GALC: variants seen among roughly 807,000 people sequenced by gnomAD.
GALC encodes galactosylceramidase, also known as galactocerebrosidase.
In GALC, 77 loss-of-function variants were observed where a neutral mutation model predicts 91.8. The ratio of observed to expected loss-of-function variants is 0.84; its 90% CI spans 0.70 to 1.01. The LOEUF is 1.01. Ranked by LOEUF, GALC falls within the 50% of genes least tolerant of loss-of-function variation. GALC has a pLI of 0.00. For missense variants in GALC, 882 were observed against 855.9 expected (o/e 1.03, Z -0.38); for synonymous variants, 357 against 306.7 (o/e 1.16, Z -1.71).
In GALC at chr14:87,945,561, G is replaced by C; in HGVS notation, c.1662C>G (p.Asp554Glu). 6.3e-7 allele frequency: 1 copy of C among 1,596,216 alleles called. No homozygotes were observed. Among genetic ancestry groups the C allele is most frequent in the Non-Finnish European group, 8.6e-7 (1 of 1,164,008 alleles). Reference protein sequence around the residue: ...DASNTISIIGDYNWTNLTIKC... With the variant: ...DASNTISIIGEYNWTNLTIKC... Reference sequence around the variant, plus strand: ...GAGAACATCAATCTTACCAGTTGTAGTCTCCTATAATACTGATTGTGTTGG... The same window carrying C: ...GAGAACATCAATCTTACCAGTTGTACTCTCCTATAATACTGATTGTGTTGG... Residue 554 changes from aspartate (D) to glutamate (E), a missense_variant, in exon 14 of 17, where the codon GAC becomes GAG. Transcript: ENST00000261304.
At chr14:87,938,709 G>C (rs1014856741) in intron 16 of GALC, among the ~76,000 whole-genome samples, 1 of 151,760 alleles carries the variant, frequency 6.6e-6, no homozygotes, top group Non-Finnish European at 1.5e-5. Flanking sequence ...TAGCTTGGGG[G>C]AAAAATGTTC....
intron 12 of GALC, among the ~76,000 whole-genome samples, chr14:87,948,993 G>C (rs1475253098): frequency 6.6e-6 from 1 of 151,992 alleles, no homozygotes; most frequent in Admixed American, 6.6e-5. Context: ...AAGCACCTGG[G>C]ATATAAAGCT....
chr14:87,954,845 GT>G, intron 10 of GALC: 2 of 1,606,394 alleles, frequency 1.2e-6, no homozygotes, highest in South Asian at 1.1e-5. Flanking sequence ...TACAAACAAT[GT>G]TTTAGCTGCT....
intron 16 of GALC, among the ~76,000 whole-genome samples, chr14:87,937,710 T>A (rs80173976): frequency 6.6e-6 from 1 of 151,834 alleles, no homozygotes; most frequent in African/African-American, 2.4e-5. Context: ...TCACATCCTA[T>A]TGATATTTTA....
chr14:87,950,059 A>T (rs1232590053), intron 11 of GALC, 128 bp from the exon 12 acceptor site: 2 of 540,710 alleles, frequency 3.7e-6, no homozygotes, highest in East Asian at 6.3e-5. Flanking sequence ...GAAACACCTC[A>T]AATATTAAAT....
chr14:87,972,968 T>A (rs1350083747), intron 7 of GALC, among the ~76,000 whole-genome samples: 1 of 152,154 alleles, frequency 6.6e-6, no homozygotes, highest in African/African-American at 2.4e-5. Flanking sequence ...TGGTAAAGTG[T>A]ATACAACAAC....
chr14:87,934,339 T>C lies in GALC; in HGVS notation c.*393A>G. ...GACACTGGCTCACTTGGACACACGG[T>C]CAGCATGCATAAATACATCTCAGTG... On this transcript the variant is annotated 3_prime_UTR_variant, in exon 17 of 17. Transcript: ENST00000261304. 7.9e-7 allele frequency: 1 copy of C among 1,271,070 alleles called. No individual in the cohort carries two copies. The highest frequency in any genetic ancestry group is 1.0e-6 in the Non-Finnish European group (1 of 1,000,312). 78.7% of individuals were successfully genotyped at this position (1,271,070 alleles called of 1,614,324 possible).
chr14:87,971,593 A>C (rs750305610), intron 7 of GALC, among the ~76,000 whole-genome samples: 1 of 152,230 alleles, frequency 6.6e-6, no homozygotes, highest in African/African-American at 2.4e-5. Context: ...TGGAGAACAT[A>C]ATTTTAATGA....
At chr14:87,946,844 G>A (rs568389853) in intron 13 of GALC, among the ~76,000 whole-genome samples, 2 of 151,976 alleles carry the variant, frequency 1.3e-5, no homozygotes, top group South Asian at 4.2e-4. Context: ...ATAGTTGAGA[G>A]GACTCCATTA....
intron 9 of GALC, among the ~76,000 whole-genome samples, chr14:87,964,772 T>C (rs552393499): frequency 2.0e-5 from 3 of 152,168 alleles, no homozygotes; most frequent in Non-Finnish European, 2.9e-5. Flanking sequence ...TTTGCCTCCA[T>C]TGACAATTCA....
Position 87,968,351 on chromosome 14 carries a change from T to C in GALC, c.892A>G (p.Asn298Asp), listed in dbSNP as rs752480983. ...ATAACTTACGAAGTCATATAGCCAT[T>C]GATATAATTCTGATTTAAAATGCGA... ...WGRILNQNYINGYMTSTIAWN... is the reference protein window; with the variant it reads ...WGRILNQNYIDGYMTSTIAWN... Residue 298 changes from asparagine to aspartate, a missense_variant, in exon 8 of 17, where the codon AAT becomes GAT. Physicochemically the swap from Asn to Asp is conservative, Grantham distance 23 (BLOSUM62 1). Coordinates refer to ENST00000261304, the MANE Select transcript of GALC (RefSeq NM_000153.4). 6.2e-7 allele frequency: 1 copy of C among 1,612,856 alleles called. No individual in the cohort carries two copies. The highest frequency in any genetic ancestry group is 1.3e-5 in the African/African-American group (1 of 74,802).
intron 1 of GALC, among the ~76,000 whole-genome samples, chr14:87,991,404 G>A (rs919808544): frequency 2.6e-5 from 4 of 152,088 alleles, no homozygotes; most frequent in Admixed American, 6.5e-5. Flanking sequence ...GGGTTTCACC[G>A]TGTTAGCCAG....
rs912058692 is a variant in GALC, at chr14:87,967,281, A to C, written c.908+1054T>G. Among the ~76,000 whole-genome samples the C allele has an allele frequency of 2.0e-5, 3 of 152,184 alleles. No homozygotes were observed. The East Asian group carries it at 5.8e-4, about 29-fold the overall frequency. ...TATAAAACAGGAGGACATTCACTAAAAATGTTTAGGATGGTTAGCTCTGGA... is the reference window on the plus strand; with the variant it reads ...TATAAAACAGGAGGACATTCACTAACAATGTTTAGGATGGTTAGCTCTGGA... On this transcript the variant is annotated intron_variant, in intron 8 of 16. Transcript: ENST00000261304.
At position 87,939,969 on chromosome 14, in the gene GALC, A is replaced by C; in HGVS notation, c.1847T>G (p.Ile616Arg). ...AACTTCAACACGTCCTAAAGCATAT[A>C]TAATCCATCCAGCTGTAACACAAAA... is the stretch of plus-strand genomic sequence containing the variant. Reference protein sequence around the residue: ...RVTGDLAGWIIYALGRVEVTA... With the variant: ...RVTGDLAGWIRYALGRVEVTA... The change falls in exon 16 of 17, where the codon ATA (isoleucine) becomes AGA (arginine). Residue 616 changes from isoleucine (I) to arginine (R), a missense_variant. Transcript: ENST00000261304. 6.2e-7 allele frequency: 1 copy of C among 1,609,794 alleles called. No individual in the cohort carries two copies. Among genetic ancestry groups the C allele is most frequent in the Non-Finnish European group, 8.5e-7 (1 of 1,176,642 alleles).
intron 12 of GALC, among the ~76,000 whole-genome samples, chr14:87,948,682 C>G (rs1487195978): frequency 1.6e-4 from 2 of 12,124 alleles, no homozygotes; most frequent in Non-Finnish European, 3.4e-3. Context: ...TATGAAATAC[C>G]TGACCGTTAT....
chr14:87,986,717 C>T (rs1306664746), intron 3 of GALC, 115 bp from the exon 4 acceptor site: 13 of 703,580 alleles, frequency 1.8e-5, no homozygotes, highest in South Asian at 1.6e-4. Flanking sequence ...TATTCCAGTT[C>T]TAATCCTGAA....
chr14:87,951,185 A>C (rs1885294621), intron 10 of GALC, among the ~76,000 whole-genome samples: 2 of 151,862 alleles, frequency 1.3e-5, no homozygotes, highest in Non-Finnish European at 2.9e-5. Context: ...TATATAGTAT[A>C]TATAGATATC....
At chr14:87,967,277 C>T (rs1054109090) in intron 8 of GALC, among the ~76,000 whole-genome samples, 1 of 152,148 alleles carries the variant, frequency 6.6e-6, no homozygotes, top group Non-Finnish European at 1.5e-5. Context: ...AGGACATTCA[C>T]TAAAAATGTT....
rs748772697 is a variant in GALC at position 87,949,936 on chromosome 14, A to G, written c.1252-5T>C. The G allele has an allele frequency of 6.0e-6, 9 of 1,488,122 alleles. No individual in the cohort carries two copies. The South Asian group carries it at 9.1e-5, about 15-fold the overall frequency. The allele number at this position is 1,488,122 out of a possible 1,614,324, so 92.2% of individuals were successfully genotyped here. A position where few individuals can be genotyped will look rare whatever the true frequency, so the allele number is the denominator to read the frequency against. On this transcript the variant is annotated splice_polypyrimidine_tract_variant and splice_region_variant and intron_variant, in intron 11 of 16. Coordinates refer to ENST00000261304, the MANE Select transcript of GALC (RefSeq NM_000153.4). ...CTGTAGCTCTGGTATTTCACTCTGT[A>G]AAGAAAAGACAAAAAAGCATGGCTG...
Sources: allele counts gnomAD v4.1 joint callset (sites outside exome capture counted in the v4.1 genomes callset), GRCh38; gene constraint gnomAD v4.1.1; transcripts MANE v1.5; gene names NCBI Gene and HGNC (gene_info 2026-07-23, HGNC 2026-07-21).